The following ANXA4 variants were observed in gnomAD, a reference collection of about 807,000 sequenced individuals.
ANXA4 encodes 35-beta calcimedin.
In ANXA4, 39 loss-of-function variants were observed where a neutral mutation model predicts 49.8. The ratio of observed to expected loss-of-function variants is 0.78; its 90% CI spans 0.61 to 1.02. ANXA4 has a LOEUF of 1.02. Among genes scored for constraint, ANXA4 ranks in the 50% least tolerant of loss-of-function variants. The pLI, the probability that ANXA4 is intolerant of heterozygous loss-of-function variation, is 0.00. For missense variants in ANXA4, 360 were observed against 410.1 expected (o/e 0.88, Z 1.05); for synonymous variants, 134 against 152.5 (o/e 0.88, Z 0.89).
intron 2 of ANXA4, among the ~76,000 whole-genome samples, chr2:69,664,871 G>A (rs1676876930): frequency 6.6e-6 from 1 of 152,202 alleles, no homozygotes; most frequent in African/African-American, 2.4e-5. Context: ...GGGAGGCTGA[G>A]GCAGGCAGAT....
chr2:69,714,640 G>A (rs144600426), intron 2 of ANXA4, among the ~76,000 whole-genome samples: 1 of 152,308 alleles, frequency 6.6e-6, no homozygotes, highest in East Asian at 1.9e-4. Context: ...GAGGGCCTGC[G>A]TTGGGCCAGA....
chr2:69,659,521 C>A (rs149924514), intron 2 of ANXA4, among the ~76,000 whole-genome samples: 8 of 152,180 alleles, frequency 5.3e-5, no homozygotes, highest in Non-Finnish European at 8.8e-5. Context: ...TAGCTCACTG[C>A]AACCTTGAAC....
intron 2 of ANXA4, among the ~76,000 whole-genome samples, chr2:69,667,390 G>A (rs1056777855): frequency 6.6e-6 from 1 of 151,588 alleles, no homozygotes; most frequent in African/African-American, 2.4e-5. Context: ...ATAATGATTG[G>A]TATTCACGCA....
At chr2:69,717,935 G>T (rs1370534779) in intron 2 of ANXA4, among the ~76,000 whole-genome samples, 1 of 152,180 alleles carries the variant, frequency 6.6e-6, no homozygotes, top group Non-Finnish European at 1.5e-5. Flanking sequence ...AAGAAAGCTG[G>T]AATTAAAAGG....
chr2:69,792,950 CTAAA>C (rs1222242356), intron 3 of ANXA4, among the ~76,000 whole-genome samples: 1 of 152,188 alleles, frequency 6.6e-6, no homozygotes, highest in Non-Finnish European at 1.5e-5. Context: ...TTTTTAAAGG[CTAAA>C]TAAAGAAGTA....
chr2:69,692,727 C>T (rs1045957853), intron 2 of ANXA4, among the ~76,000 whole-genome samples: 3 of 152,138 alleles, frequency 2.0e-5, no homozygotes, highest in Admixed American at 6.5e-5. Flanking sequence ...TTCAGTAATT[C>T]CACAAGTATA....
intron 1 of ANXA4, among the ~76,000 whole-genome samples, chr2:69,746,194 TG>T (rs1197365584): frequency 6.6e-6 from 1 of 152,126 alleles, no homozygotes; most frequent in African/African-American, 2.4e-5. Context: ...GTATTTTTAG[TG>T]GAGACGGGGT....
At chr2:69,676,714 G>A (rs1005867512) in intron 2 of ANXA4, among the ~76,000 whole-genome samples, 5 of 152,124 alleles carry the variant, frequency 3.3e-5, no homozygotes, top group Admixed American at 2.6e-4. Context: ...CCAACATGGT[G>A]AAACCCTGTC....
intron 3 of ANXA4, among the ~76,000 whole-genome samples, chr2:69,797,842 A>T (rs573465855): frequency 6.6e-6 from 1 of 152,332 alleles, no homozygotes; most frequent in South Asian, 2.1e-4. Flanking sequence ...GGGATGTAAA[A>T]GGGAGGAGAA....
At chr2:69,783,755 C>G (rs536346962) in intron 2 of ANXA4, among the ~76,000 whole-genome samples, 87 of 152,216 alleles carry the variant, frequency 5.7e-4, no homozygotes, top group African/African-American at 2.1e-3. Context: ...TTCATATTAA[C>G]TCCCCTTCCC....
At chr2:69,726,043 A>G (rs1156237465) in intron 3 of ANXA4, among the ~76,000 whole-genome samples, 3 of 152,260 alleles carry the variant, frequency 2.0e-5, no homozygotes, top group African/African-American at 4.8e-5. Flanking sequence ...AGAGCCTGAT[A>G]TGGTTTTGCT....
chr2:69,730,111 G>T (rs551668298), intron 3 of ANXA4, among the ~76,000 whole-genome samples: 1 of 152,266 alleles, frequency 6.6e-6, no homozygotes, highest in South Asian at 2.1e-4. Flanking sequence ...AGGCCAAGGC[G>T]GGAGGATCGC....
At chr2:69,741,677 A>G (rs1670401329), upstream of ANXA4, among the ~76,000 whole-genome samples, 1 of 152,132 alleles carries the variant, frequency 6.6e-6, no homozygotes. Flanking sequence ...AGGTGGGGGG[A>G]AGCGCGGATT....
intron 3 of ANXA4, among the ~76,000 whole-genome samples, chr2:69,725,794 C>A (rs934199913): frequency 3.9e-5 from 6 of 152,178 alleles, no homozygotes; most frequent in African/African-American, 1.4e-4. Context: ...ATCAAGTAAT[C>A]ATTTATTTTT....
At chr2:69,733,881 T>G (rs1670172142) in intron 3 of ANXA4, among the ~76,000 whole-genome samples, 1 of 152,184 alleles carries the variant, frequency 6.6e-6, no homozygotes, top group Non-Finnish European at 1.5e-5. Flanking sequence ...TCTATATAAT[T>G]TTTTATGCTT....
At chr2:69,747,206 C>T (rs183395473) in intron 1 of ANXA4, among the ~76,000 whole-genome samples, 114 of 152,220 alleles carry the variant, frequency 7.5e-4, no homozygotes, top group Admixed American at 6.7e-3. Context: ...TTTAGGCACT[C>T]ACCTCCCCGC....
intron 3 of ANXA4, among the ~76,000 whole-genome samples, chr2:69,725,449 A>G (rs1351122817): frequency 6.6e-6 from 1 of 150,806 alleles, no homozygotes; most frequent in Non-Finnish European, 1.5e-5. Context: ...ATTTAAATAT[A>G]TGAATGCTGC....
rs35212855 is a variant in ANXA4 at position 69,649,924 on chromosome 2, ATTTTTTTTTT to A, written n.482-3054_482-3045del. On this transcript the variant is annotated intron_variant and non_coding_transcript_variant, in intron 1 of 3. Transcript: ENST00000418066. ...GGTGTGAGCCACTGTGCCTGGCCTG[ATTTTTTTTTT>A]TTTTTTTTTTTTTTTTTTTGAGACG... Among the ~76,000 whole-genome samples the A allele has an allele frequency of 4.6e-3, 242 of 52,050 alleles. 2 individuals are homozygous for A. Among genetic ancestry groups the A allele is most frequent in the African/African-American group, 0.024 (231 of 9,616 alleles). The allele number at this position is 52,050 out of a possible 152,430, so 34.1% of individuals were successfully genotyped here. A position where few individuals can be genotyped will look rare whatever the true frequency, so the allele number is the denominator to read the frequency against.
intron 2 of ANXA4, among the ~76,000 whole-genome samples, chr2:69,681,386 A>G (rs1294735192): frequency 6.7e-6 from 1 of 149,462 alleles, no homozygotes; most frequent in Non-Finnish European, 1.5e-5. Flanking sequence ...TTTTTTTGAA[A>G]CAAGGTCTCA....
Sources: gnomAD v4.1 joint callset for allele counts (sites outside exome capture counted in the v4.1 genomes callset) on GRCh38, gnomAD v4.1.1 for gene constraint, MANE v1.5 for transcripts, NCBI Gene and HGNC (gene_info 2026-07-23, HGNC 2026-07-21) for gene names.